AFDN: variants seen among roughly 807,000 people sequenced by gnomAD.
AFDN encodes the protein afadin, adherens junction formation factor.
In AFDN, 68 loss-of-function variants were observed where a neutral mutation model predicts 216.6. The observed-to-expected ratio is 0.31, with a 90% CI of 0.26 to 0.38. The LOEUF (loss-of-function observed/expected upper bound fraction) is 0.38. Among genes scored for constraint, AFDN ranks in the 10% least tolerant of loss-of-function variants. The pLI, the probability that AFDN is intolerant of heterozygous loss-of-function variation, is 1.00. For missense variants in AFDN, 2,136 were observed against 2,342.0 expected (o/e 0.91, Z 1.82); for synonymous variants, 868 against 853.7 (o/e 1.02, Z -0.29).
At chr6:167,942,066 T>TTTGG (rs1562713959) in intron 23 of AFDN, among the ~76,000 whole-genome samples, 3 of 151,902 alleles carry the variant, frequency 2.0e-5, no homozygotes, top group East Asian at 3.9e-4. Flanking sequence ...AGGCGTTTTG[T>TTTGG]TTTGGTTTGG....
chr6:167,969,657 A>AG (rs1199590346), intron 33 of AFDN, 125 bp from the exon 34 acceptor site: 12 of 865,124 alleles, frequency 1.4e-5, no homozygotes, highest in Admixed American at 3.4e-5. Context: ...ATTATAAGAA[A>AG]GGTTATAGCA....
At chr6:167,906,479 T>A (rs1376865288) in intron 12 of AFDN, among the ~76,000 whole-genome samples, 6 of 152,212 alleles carry the variant, frequency 3.9e-5, no homozygotes, top group Non-Finnish European at 8.8e-5. Context: ...TAAGCAGATG[T>A]AATAAGAAAT....
intron 20 of AFDN, among the ~76,000 whole-genome samples, chr6:167,918,322 T>C (rs987425982): frequency 3.5e-4 from 54 of 152,240 alleles, no homozygotes; most frequent in African/African-American, 1.2e-3. Flanking sequence ...TCCGGTCTTT[T>C]ATATTTTACA....
At chr6:167,913,737 A>G (rs1790697245) in intron 16 of AFDN, 1 of 456,818 alleles carries the variant, frequency 2.2e-6, no homozygotes, top group African/African-American at 2.0e-5. Context: ...TCGGGAGAGG[A>G]TGTGATAGAT....
intron 30 of AFDN, among the ~76,000 whole-genome samples, chr6:167,956,790 C>G (rs932927658): frequency 6.6e-6 from 1 of 152,182 alleles, no homozygotes; most frequent in Non-Finnish European, 1.5e-5. Flanking sequence ...CTGGCTTGAC[C>G]TCCTCACAAC....
At chr6:167,878,565 TGCAC>T (rs1314365001) in intron 5 of AFDN, among the ~76,000 whole-genome samples, 1 of 150,662 alleles carries the variant, frequency 6.6e-6, no homozygotes, top group Admixed American at 6.7e-5. Flanking sequence ...CACTCTTGCA[TGCAC>T]GCACGCACAC....
At position 167,915,341 on chromosome 6, in the gene AFDN, A is replaced by G. The variant is rs751543043; in HGVS notation, c.2473A>G (p.Ile825Val). Residue 825 changes from isoleucine to valine, a missense_variant, in exon 19 of 34, where the codon ATT becomes GTT. Physicochemically the swap from Ile to Val is conservative, Grantham distance 29 (BLOSUM62 3). This residue lies in a region of AFDN where 817 missense variants were observed against 965.7 expected (regional missense o/e 0.85). Transcript: ENST00000683244. The part of the protein sequence containing the change: ...SGLCSHYWGA[I>V]IRQQLGHIEA... ...GCTGTGCTCCCATTACTGGGGTGCG[A>G]TTATCCGTCAGCAGTTGGGCCATAT... 1.2e-6 allele frequency: 2 copies of G among 1,614,220 alleles called. No individual in the cohort carries two copies. The highest frequency in any genetic ancestry group is 1.7e-6 in the Non-Finnish European group (2 of 1,180,034).
rs1198208409 is a variant in AFDN at position 167,965,749 on chromosome 6, G to T, written c.4969-8G>T. 2 of 1,524,290 alleles carry T rather than the reference G, an allele frequency of 1.3e-6. No individual in the cohort carries two copies. Among genetic ancestry groups the T allele is most frequent in the South Asian group, 1.3e-5 (1 of 74,792 alleles). 94.4% of individuals were successfully genotyped at this position (1,524,290 alleles called of 1,614,324 possible). The stretch of plus-strand genomic sequence containing the variant: ...GACCTTTGCACTCTTGTCTATTCCC[G>T]CCCGCAGAGGCGACAGGAAGAAGGG... On this transcript the variant is annotated splice_polypyrimidine_tract_variant and splice_region_variant and intron_variant, in intron 31 of 33. Coordinates refer to ENST00000683244, the MANE Select transcript of AFDN (RefSeq NM_001386888.1).
At chr6:167,903,865 T>G (rs1392614132) in intron 12 of AFDN, among the ~76,000 whole-genome samples, 1 of 152,228 alleles carries the variant, frequency 6.6e-6, no homozygotes, top group Non-Finnish European at 1.5e-5. Flanking sequence ...GTCCCAAATC[T>G]GGCACGCATT....
chr6:167,830,431 T>C (rs1266992290), intron 1 of AFDN, among the ~76,000 whole-genome samples: 2 of 152,222 alleles, frequency 1.3e-5, no homozygotes, highest in Non-Finnish European at 2.9e-5. Context: ...ATGGCCTTCA[T>C]TGTATATACC....
intron 2 of AFDN, 61 bp downstream of exon 2, chr6:167,864,807 TC>T: frequency 6.6e-7 from 1 of 1,525,360 alleles, no homozygotes; most frequent in Non-Finnish European, 9.1e-7. Flanking sequence ...AGACAGCTTG[TC>T]CAGGGTCATT....
In AFDN at chr6:167,951,838, G is replaced by A. The variant is rs374480826; in HGVS notation, c.4484G>A (p.Arg1495His). The change falls in exon 30 of 34, where the codon CGC becomes CAC. Residue 1495 changes from arginine (R) to histidine (H), a missense_variant. Coordinates refer to ENST00000683244, the MANE Select transcript of AFDN (RefSeq NM_001386888.1). The surrounding 1 kb of genome is among the most constrained non-coding windows in gnomAD (Gnocchi z 7.1). ...IRELQPQQQP[R>H]TIERRDLQYI... ...GAGCTGCAGCCTCAGCAGCAGCCCC[G>A]CACGATCGAGCGCAGAGACTTGCAG... is the stretch of plus-strand genomic sequence containing the variant. 16 of 1,613,992 alleles carry A rather than the reference G, an allele frequency of 9.9e-6. No individual in the cohort carries two copies. Among genetic ancestry groups the A allele is most frequent in the African/African-American group, 2.7e-5 (2 of 74,928 alleles).
chr6:167,932,573 T>TG (rs1286616529), intron 23 of AFDN: 3 of 152,222 alleles, frequency 2.0e-5, no homozygotes, highest in Non-Finnish European at 2.9e-5. Flanking sequence ...TTCTAGGTCG[T>TG]GTTGATAAAT....
chr6:167,830,933 CTTTTTTTTTT>C (rs71681602), intron 1 of AFDN, among the ~76,000 whole-genome samples: 30 of 79,336 alleles, frequency 3.8e-4, no homozygotes, highest in East Asian at 3.6e-3. Flanking sequence ...ATATTTGAAA[CTTTTTTTTTT>C]TTTTTTTTTT....
chr6:167,912,364 C>CA (rs1347666787), intron 15 of AFDN, among the ~76,000 whole-genome samples: 1 of 152,122 alleles, frequency 6.6e-6, no homozygotes, highest in Admixed American at 6.5e-5. Context: ...ATGTTAATAA[C>CA]ATAGATAGAT....
At chr6:167,947,800 A>G (rs920577358) in intron 27 of AFDN, 53 bp from the exon 28 acceptor site, 23 of 1,173,120 alleles carry the variant, frequency 2.0e-5, no homozygotes, top group South Asian at 7.6e-5. Context: ...CATGTTATAT[A>G]TAGGTTGTTT....
At chr6:167,876,113 C>T (rs1312697162) in intron 5 of AFDN, among the ~76,000 whole-genome samples, 1 of 152,138 alleles carries the variant, frequency 6.6e-6, no homozygotes, top group Non-Finnish European at 1.5e-5. Context: ...CTTCTGCATC[C>T]ATCGCAGACA....
At chr6:167,913,687 C>G in intron 16 of AFDN, 1 of 509,148 alleles carries the variant, frequency 2.0e-6, no homozygotes, top group Middle Eastern at 4.8e-4. Flanking sequence ...GGTTCCTATT[C>G]TTTGGATCTC....
Position 167,877,408 on chromosome 6 carries a change from G to A in AFDN, c.739+1913G>A, listed in dbSNP as rs1785513140. On this transcript the variant is annotated intron_variant, in intron 5 of 33. Coordinates refer to ENST00000683244, the MANE Select transcript of AFDN (RefSeq NM_001386888.1). The stretch of plus-strand genomic sequence containing the variant: ...GTATAGATGATTCAGAAACTTAAGG[G>A]AAAGCCATTGATTGTTAAGAGGAGT... 2.0e-5 allele frequency among the ~76,000 whole-genome samples: 3 copies of A among 152,118 alleles called. No homozygotes were observed. The South Asian group carries it at 6.2e-4, about 32-fold the overall frequency.
Sources: allele counts gnomAD v4.1 joint callset (sites outside exome capture counted in the v4.1 genomes callset), GRCh38; gene constraint gnomAD v4.1.1; regional missense constraint gnomAD v4.1.1; non-coding constraint Gnocchi (gnomAD v3.1); transcripts MANE v1.5; gene names NCBI Gene and HGNC (gene_info 2026-07-23, HGNC 2026-07-21).